The following MTBP variants were observed in gnomAD, a reference collection of about 807,000 sequenced individuals.
The protein encoded by MTBP is MDM2 binding protein.
A neutral mutation model predicts 117.0 loss-of-function variants in MTBP; 101 were observed. The observed-to-expected ratio is 0.86, with a 90% confidence interval of 0.73 to 1.02. The LOEUF is 1.02. Ranked by LOEUF, MTBP falls within the 50% of genes least tolerant of loss-of-function variation. The pLI is 0.00. For synonymous variants in MTBP, 350 were observed against 351.5 expected (o/e 1.00, Z 0.05); for missense variants, 970 against 1,030.9 (o/e 0.94, Z 0.81).
At chr8:120,490,440 C>CTT (rs765099676) in intron 12 of MTBP, 23 bp from the exon 13 acceptor site, 33 of 1,321,056 alleles carry the variant, frequency 2.5e-5, no homozygotes, top group Middle Eastern at 3.9e-4. Context: ...TAATGTTGAC[C>CTT]TTTTTTTTTT....
rs1294459046 is a variant in MTBP at position 120,506,782 on chromosome 8, G to A, written c.1804G>A (p.Asp602Asn). 3 of 1,613,430 alleles carry A rather than the reference G, an allele frequency of 1.9e-6. No homozygotes were observed. Among genetic ancestry groups the A allele is most frequent in the East Asian group, 4.5e-5 (2 of 44,860 alleles). The change falls in exon 16 of 22, where the codon GAT becomes AAT. Residue 602 changes from aspartate (D) to asparagine (N), a missense_variant. Transcript: ENST00000305949. The part of the protein sequence containing the change: ...EGPRDSITLL[D>N]AKELLKYFTS... Reference sequence around the variant, plus strand: ...TCCTCGGGACTCAATCACATTGTTGGATGCTAAAGAATTGCTGAAGTACTT... The same window carrying A: ...TCCTCGGGACTCAATCACATTGTTGAATGCTAAAGAATTGCTGAAGTACTT...
intron 10 of MTBP, among the ~76,000 whole-genome samples, chr8:120,469,452 T>C (rs1813772421): frequency 6.6e-6 from 1 of 152,198 alleles, no homozygotes; most frequent in African/African-American, 2.4e-5. Context: ...GCTTCGATCA[T>C]TGCTCTCAAT....
intron 11 of MTBP, among the ~76,000 whole-genome samples, chr8:120,485,603 T>C (rs947605015): frequency 5.3e-5 from 8 of 152,234 alleles, no homozygotes; most frequent in Non-Finnish European, 8.8e-5. Context: ...GAAGTCTTTG[T>C]TATATTTAAC....
intron 8 of MTBP, 49 bp from the exon 9 acceptor site, chr8:120,461,112 C>G (rs1043673700): frequency 7.4e-7 from 1 of 1,349,904 alleles, no homozygotes; most frequent in African/African-American, 1.5e-5. Context: ...AATTTGTTTA[C>G]TTTTGTTTAT....
At position 120,450,516 on chromosome 8, in the gene MTBP, T is replaced by G. The variant is rs1309182921; in HGVS notation, c.200-487T>G. Among the ~76,000 whole-genome samples the G allele has an allele frequency of 2.0e-5, 3 of 152,184 alleles. No homozygotes were observed. In the South Asian group the frequency reaches 6.2e-4, roughly 32 times the overall value. The stretch of plus-strand genomic sequence containing the variant: ...TGGGGTGACCCTTAATTTTATATCC[T>G]CATATAATACTCCATTCTCCAAGAA... On this transcript the variant is annotated intron_variant, in intron 2 of 21. Coordinates refer to ENST00000305949, the MANE Select transcript of MTBP (RefSeq NM_022045.5).
intron 17 of MTBP, among the ~76,000 whole-genome samples, chr8:120,511,388 C>A (rs564521369): frequency 6.6e-6 from 1 of 152,184 alleles, no homozygotes; most frequent in African/African-American, 2.4e-5. Flanking sequence ...CTCCGTTTCC[C>A]GGGTTCAAGT....
intron 13 of MTBP, among the ~76,000 whole-genome samples, chr8:120,492,820 C>T (rs1035412082): frequency 1.6e-4 from 24 of 151,938 alleles, no homozygotes; most frequent in African/African-American, 5.8e-4. Flanking sequence ...ACATCTAATA[C>T]TATTTAATTA....
chr8:120,462,532 A>T (rs912200629), intron 9 of MTBP, among the ~76,000 whole-genome samples: 3 of 152,124 alleles, frequency 2.0e-5, no homozygotes, highest in Admixed American at 6.5e-5. Context: ...AGTTTAAAAA[A>T]TTTTTTATCC....
Position 120,445,599 on chromosome 8 carries a change from G to A in MTBP, c.118+11G>A. The A allele has an allele frequency of 6.3e-6, 10 of 1,592,980 alleles. No homozygotes were observed. Among genetic ancestry groups the A allele is most frequent in the Non-Finnish European group, 8.5e-6 (10 of 1,169,700 alleles). ...CTGAGAATCAGCCGGGTAAGCGCTG[G>A]GATGAGAAAGAGCGGGAACGGCTTG... On this transcript the variant is annotated intron_variant, in intron 1 of 21. Transcript: ENST00000305949.
At chr8:120,463,455 A>G (rs978167848) in intron 9 of MTBP, among the ~76,000 whole-genome samples, 1 of 152,124 alleles carries the variant, frequency 6.6e-6, no homozygotes. Context: ...TCTTGTTCTT[A>G]TAGTTTATAG....
At chr8:120,504,202 AAAG>A (rs1183635650) in intron 15 of MTBP, among the ~76,000 whole-genome samples, 1 of 152,164 alleles carries the variant, frequency 6.6e-6, no homozygotes, top group Non-Finnish European at 1.5e-5. Flanking sequence ...AGAAGACAAG[AAAG>A]AAGAGTGAGA....
intron 17 of MTBP, among the ~76,000 whole-genome samples, chr8:120,512,960 G>A (rs1328580507): frequency 1.3e-5 from 2 of 152,026 alleles, no homozygotes; most frequent in African/African-American, 4.8e-5. Flanking sequence ...TAGAACCCTG[G>A]AGCTCTTTCT....
At chr8:120,519,272 ATAC>A in intron 20 of MTBP, among the ~76,000 whole-genome samples, 1 of 152,040 alleles carries the variant, frequency 6.6e-6, no homozygotes, top group African/African-American at 2.4e-5. Flanking sequence ...ATATATGCAA[ATAC>A]TACACCATTT....
intron 9 of MTBP, among the ~76,000 whole-genome samples, chr8:120,462,258 A>C (rs1184337827): frequency 6.6e-6 from 1 of 152,228 alleles, no homozygotes; most frequent in Non-Finnish European, 1.5e-5. Flanking sequence ...ACCTGAGCAA[A>C]GCTCGAACTA....
chr8:120,474,617 C>T (rs1586950080), intron 11 of MTBP, among the ~76,000 whole-genome samples: 1 of 151,984 alleles, frequency 6.6e-6, no homozygotes, highest in Non-Finnish European at 1.5e-5. Flanking sequence ...TGTACTGTTT[C>T]CTAAAAGTAT....
chr8:120,494,032 A>C (rs1447283839), intron 13 of MTBP, among the ~76,000 whole-genome samples: 1 of 152,148 alleles, frequency 6.6e-6, no homozygotes, highest in East Asian at 1.9e-4. Flanking sequence ...TGTGGAAGGA[A>C]TGTTAGTTAT....
chr8:120,453,850 C>G lies in MTBP; in HGVS notation c.429C>G (p.Leu143=), dbSNP rs1209392393. ...CTAACTTACCCTTTTATTTTAGTCT[C>G]TATGAAGAAGCTGCAGAAAATTTGC... The part of the protein sequence containing the change: ...NSRESLSLAD[L]YEEAAENLHQ... The change falls in exon 5 of 22, where the codon CTC becomes CTG. Residue 143 remains leucine, a synonymous_variant. Transcript: ENST00000305949. 6.4e-7 allele frequency: 1 copy of G among 1,566,818 alleles called. No homozygotes were observed. Among genetic ancestry groups the G allele is most frequent in the Non-Finnish European group, 8.7e-7 (1 of 1,147,824 alleles).
At chr8:120,518,257 T>C (rs1814955361) in intron 19 of MTBP, among the ~76,000 whole-genome samples, 157 bp downstream of exon 19, 1 of 152,040 alleles carries the variant, frequency 6.6e-6, no homozygotes, top group Non-Finnish European at 1.5e-5. Flanking sequence ...GGTGGGGATA[T>C]AATTGAAACA....
In MTBP at chr8:120,453,060, A is replaced by T. The variant is rs138057949; in HGVS notation, c.426-787A>T. On this transcript the variant is annotated intron_variant, in intron 4 of 21. Transcript: ENST00000305949. ...AACTAATAAGTTTTGAAGAATCTGA[A>T]GAGGGCGTCATATTCTTTAGTCAAG... Among the ~76,000 whole-genome samples the T allele has an allele frequency of 3.7e-3, 570 of 152,298 alleles. 4 individuals are homozygous for T. Among genetic ancestry groups the T allele is most frequent in the African/African-American group, 0.013 (534 of 41,560 alleles).
Sources: allele counts gnomAD v4.1 joint callset (sites outside exome capture counted in the v4.1 genomes callset), GRCh38; gene constraint gnomAD v4.1.1; transcripts MANE v1.5; gene names NCBI Gene and HGNC (gene_info 2026-07-23, HGNC 2026-07-21).